CTCF: variants seen among roughly 807,000 people sequenced by gnomAD.
CTCF encodes transcriptional repressor CTCF.
CTCF carries 7 observed loss-of-function variants against 72.3 expected under a neutral mutation model. That is an observed-to-expected ratio of 0.10 (90% CI 0.06 to 0.18). CTCF has a LOEUF of 0.18. Ranked by LOEUF, CTCF falls within the 10% of genes least tolerant of loss-of-function variation. The pLI, the probability that CTCF is intolerant of heterozygous loss-of-function variation, is 1.00. For synonymous variants in CTCF, 374 were observed against 315.8 expected (o/e 1.18, Z -1.95); for missense variants, 516 against 949.1 (o/e 0.54, Z 6.00).
intron 2 of CTCF, among the ~76,000 whole-genome samples, chr16:67,593,398 T>C (rs755208433): frequency 6.6e-6 from 1 of 152,186 alleles, no homozygotes; most frequent in Non-Finnish European, 1.5e-5. Context: ...TATGTCCATG[T>C]GTACCCAGTG....
intron 7 of CTCF, among the ~76,000 whole-genome samples, chr16:67,624,113 G>GTGTGTA (rs1555535504): frequency 6.0e-5 from 8 of 132,574 alleles, no homozygotes. Context: ...GTGTGTGTGT[G>GTGTGTA]TGTATGTGTG....
chr16:67,633,444 C>T (rs1232194293), intron 10 of CTCF, among the ~76,000 whole-genome samples: 2 of 152,030 alleles, frequency 1.3e-5, no homozygotes, highest in Non-Finnish European at 2.9e-5. Flanking sequence ...TATTTTACCA[C>T]GAATGGACAA....
intron 2 of CTCF, among the ~76,000 whole-genome samples, chr16:67,604,833 T>C (rs2051951756): frequency 6.6e-6 from 1 of 151,238 alleles, no homozygotes; most frequent in South Asian, 2.1e-4. Flanking sequence ...GCTTGCATTA[T>C]ATTTCTATTG....
chr16:67,603,041 C>G (rs1303927445), intron 2 of CTCF, among the ~76,000 whole-genome samples: 1 of 151,942 alleles, frequency 6.6e-6, no homozygotes, highest in African/African-American at 2.4e-5. Context: ...AAGCCCCTAG[C>G]CTCATGTTGC....
At chr16:67,600,776 A>G (rs1380903127) in intron 2 of CTCF, among the ~76,000 whole-genome samples, 1 of 152,146 alleles carries the variant, frequency 6.6e-6, no homozygotes, top group East Asian at 1.9e-4. Flanking sequence ...TATACCTTTA[A>G]CTGAATAGCT....
At position 67,626,452 on chromosome 16, in the gene CTCF, CAAAAAAAAAA is replaced by C. The variant is rs373304235; in HGVS notation, c.1358-91_1358-82del. On this transcript the variant is annotated intron_variant, in intron 7 of 11. Transcript: ENST00000264010. ...TGGGTGACAGAGCAAGACTCCGTCTCAAAAAAAAAAAAAAAAAAAAAGAATCGAGAAATGT... is the reference window on the plus strand; with the variant it reads ...TGGGTGACAGAGCAAGACTCCGTCTCAAAAAAAAAAAGAATCGAGAAATGT... The C allele has an allele frequency of 1.6e-5, 6 of 376,950 alleles. No homozygotes were observed. In the South Asian group the frequency reaches 2.1e-4, roughly 13 times the overall value. 23.4% of individuals were successfully genotyped at this position (376,950 alleles called of 1,614,324 possible).
intron 2 of CTCF, among the ~76,000 whole-genome samples, chr16:67,571,692 A>G (rs911586274): frequency 2.6e-5 from 4 of 152,186 alleles, no homozygotes; most frequent in Non-Finnish European, 5.9e-5. Context: ...ACCTGTGGCT[A>G]CTTGTAATTT....
chr16:67,587,876 G>C (rs1196799542), intron 2 of CTCF, among the ~76,000 whole-genome samples: 1 of 151,998 alleles, frequency 6.6e-6, no homozygotes, highest in Admixed American at 6.6e-5. Context: ...TGTTTGTTTT[G>C]TTTTGTTTTG....
intron 2 of CTCF, among the ~76,000 whole-genome samples, chr16:67,608,036 A>G (rs1441730978): frequency 6.9e-6 from 1 of 144,074 alleles, no homozygotes; most frequent in Admixed American, 6.9e-5. Flanking sequence ...AAAAAAAAGT[A>G]AAAACCGGTT....
chr16:67,634,487 C>T (rs1287851498), intron 10 of CTCF, among the ~76,000 whole-genome samples: 2 of 146,488 alleles, frequency 1.4e-5, no homozygotes, highest in African/African-American at 5.1e-5. Context: ...GGATTACAGG[C>T]GTGAGCCACC....
At chr16:67,598,227 C>T (rs1486309511) in intron 2 of CTCF, among the ~76,000 whole-genome samples, 1 of 152,266 alleles carries the variant, frequency 6.6e-6, no homozygotes, top group African/African-American at 2.4e-5. Flanking sequence ...ATCCACTCTC[C>T]TCAGCCTCCC....
At chr16:67,611,878 A>G in intron 3 of CTCF, 73 bp from the exon 4 acceptor site, 2 of 1,344,152 alleles carry the variant, frequency 1.5e-6, no homozygotes, top group South Asian at 2.5e-5. Context: ...ATATATTTGT[A>G]GAAATTTAAG....
intron 6 of CTCF, 150 bp from the exon 7 acceptor site, chr16:67,621,292 A>T: frequency 1.7e-6 from 1 of 596,894 alleles, no homozygotes; most frequent in South Asian, 2.3e-5. Flanking sequence ...CTGAAGATAG[A>T]CAAGATCCGG....
chr16:67,604,156 G>T lies in CTCF; in HGVS notation c.-9-6668G>T, dbSNP rs923629139. On this transcript the variant is annotated intron_variant, in intron 2 of 11. Coordinates refer to ENST00000264010, the MANE Select transcript of CTCF (RefSeq NM_006565.4). ...AAAAAAAAAAAAAAAGAAAAGAAAA[G>T]AAAATTAATTGAGCATGGTGGCATA... 4.7e-5 allele frequency among the ~76,000 whole-genome samples: 7 copies of T among 148,860 alleles called. No individual in the cohort carries two copies. The South Asian group carries it at 8.5e-4, about 18-fold the overall frequency.
rs977290990 is a variant in CTCF, at chr16:67,591,024, C to T, written c.-10+19760C>T. ...CTCACACAAATGCTGTGATTACAGG[C>T]GTGAGCCACCGTAATCCCAGCACTT... On this transcript the variant is annotated intron_variant, in intron 2 of 11. Transcript: ENST00000264010. 2.1e-5 allele frequency among the ~76,000 whole-genome samples: 3 copies of T among 144,108 alleles called. No individual in the cohort carries two copies. In the East Asian group the frequency reaches 6.3e-4, roughly 30 times the overall value. The allele number at this position is 144,108 out of a possible 152,430, so 94.5% of individuals were successfully genotyped here.
intron 2 of CTCF, among the ~76,000 whole-genome samples, chr16:67,582,983 CTTTTTTTTTT>C (rs550423023): frequency 1.5e-5 from 2 of 136,026 alleles, no homozygotes; most frequent in Middle Eastern, 7.7e-3. Context: ...TCTTATTTTT[CTTTTTTTTTT>C]TTTTTGAGAC....
intron 2 of CTCF, among the ~76,000 whole-genome samples, chr16:67,575,653 G>A (rs2051486684): frequency 6.6e-6 from 1 of 151,922 alleles, no homozygotes. Context: ...ATATTGGCTG[G>A]GCTGGTCTCA....
chr16:67,627,804 T>C (rs2052310776), intron 8 of CTCF: 1 of 150,656 alleles, frequency 6.6e-6, no homozygotes, highest in African/African-American at 2.5e-5. Context: ...CTGGGCGTGG[T>C]GGTGGGTGCC....
intron 1 of CTCF, chr16:67,568,092 A>AT (rs1311051863): frequency 1.3e-5 from 2 of 150,304 alleles, no homozygotes; most frequent in African/African-American, 4.9e-5. Flanking sequence ...ATATATATAT[A>AT]TTTTTTAAGA....
Sources: gnomAD v4.1 joint callset for allele counts (sites outside exome capture counted in the v4.1 genomes callset) on GRCh38, gnomAD v4.1.1 for gene constraint, MANE v1.5 for transcripts, NCBI Gene and HGNC (gene_info 2026-07-23, HGNC 2026-07-21) for gene names.